Variants in SLC39A14 observed in about 807,000 individuals in gnomAD.
SLC39A14 encodes the protein solute carrier family 39 member 14.
SLC39A14 carries 19 observed loss-of-function variants against 45.5 expected under a neutral mutation model. The observed-to-expected ratio is 0.42, with a 90% CI of 0.29 to 0.61. The LOEUF is 0.61. Among genes scored for constraint, SLC39A14 ranks in the 20% least tolerant of loss-of-function variants. SLC39A14 has a pLI of 0.22. For missense variants in SLC39A14, 447 were observed against 616.5 expected, an observed-to-expected ratio of 0.73 and a Z score of 2.91; for synonymous variants, 264 against 251.3, an observed-to-expected ratio of 1.05 and a Z score of -0.48.
In SLC39A14 at chr8:22,415,921, G is replaced by A. The variant is rs770455836; in HGVS notation, c.903G>A (p.Val301=). 6.2e-7 allele frequency: 1 copy of A among 1,608,376 alleles called. No individual in the cohort carries two copies. Among genetic ancestry groups the A allele is most frequent in the Non-Finnish European group, 8.5e-7 (1 of 1,176,878 alleles). ...SSELDGKAPM[V]DEKVIVGSLS... Reference sequence around the variant, plus strand: ...AGCTGGACGGCAAGGCGCCCATGGTGGACGAGAAGGTCATTGTGGGCTCGC... The same window carrying A: ...AGCTGGACGGCAAGGCGCCCATGGTAGACGAGAAGGTCATTGTGGGCTCGC... Residue 301 remains valine (V), a synonymous_variant, in exon 6 of 9, where the codon GTG becomes GTA. Coordinates refer to ENST00000381237, the MANE Select transcript of SLC39A14 (RefSeq NM_001128431.4).
chr8:22,430,711 C>T (rs1363779990), intron 8 of SLC39A14, among the ~76,000 whole-genome samples: 2 of 152,004 alleles, frequency 1.3e-5, no homozygotes, highest in Admixed American at 6.6e-5. Flanking sequence ...CTTGCTCTGT[C>T]GTCCAGGCTG....
At chr8:22,408,640 G>A (rs1230234378) in intron 3 of SLC39A14, 144 bp downstream of exon 3, 7 of 726,260 alleles carry the variant, frequency 9.6e-6, no homozygotes, top group African/African-American at 3.6e-5. Flanking sequence ...GAGCGGGAGC[G>A]ATGATTGGAT....
At position 22,383,225 on chromosome 8, in the gene SLC39A14, A is replaced by C. The variant is rs56754041; in HGVS notation, c.-16+15817A>C. 1.7e-3 allele frequency among the ~76,000 whole-genome samples: 263 copies of C among 152,160 alleles called. 4 individuals carry two copies. The East Asian group carries it at 0.049, about 28-fold the overall frequency. ...GAGGGCAGGGACTGCCTCCCAGCCA[A>C]TTTTGTCCCTGCATCTCAGGATTCC... On this transcript the variant is annotated intron_variant, in intron 1 of 8. Coordinates refer to ENST00000381237, the MANE Select transcript of SLC39A14 (RefSeq NM_001128431.4).
chr8:22,381,726 C>A (rs1177488696), intron 1 of SLC39A14, among the ~76,000 whole-genome samples: 1 of 152,028 alleles, frequency 6.6e-6, no homozygotes, highest in Non-Finnish European at 1.5e-5. Flanking sequence ...TCAATAATAC[C>A]AGTTAACAAA....
At chr8:22,406,987 T>A (rs1835260890) in intron 2 of SLC39A14, among the ~76,000 whole-genome samples, 1 of 151,918 alleles carries the variant, frequency 6.6e-6, no homozygotes, top group African/African-American at 2.4e-5. Flanking sequence ...GTGTAGACAG[T>A]ATAATTAGAA....
chr8:22,370,481 GAGC>G (rs1471414728), intron 1 of SLC39A14, among the ~76,000 whole-genome samples: 1 of 152,200 alleles, frequency 6.6e-6, no homozygotes, highest in East Asian at 1.9e-4. Context: ...ATGGAATGTT[GAGC>G]AGGGGACTTT....
chr8:22,428,031 G>C (rs1836412930), intron 8 of SLC39A14, among the ~76,000 whole-genome samples: 1 of 152,208 alleles, frequency 6.6e-6, no homozygotes, highest in Admixed American at 6.6e-5. Flanking sequence ...TGGTGCGGTA[G>C]CTCACGCCTA....
rs559733278 is a variant in SLC39A14, at chr8:22,406,547, C to T, written c.270+1567C>T. On this transcript the variant is annotated intron_variant, in intron 2 of 8. Transcript: ENST00000381237. ...TCTCTGCTAAAAATACAAAAATTATCTGGGTATGGCGGGAGATACCTGTAG... is the reference window on the plus strand; with the variant it reads ...TCTCTGCTAAAAATACAAAAATTATTTGGGTATGGCGGGAGATACCTGTAG... Among the ~76,000 whole-genome samples, 8 of 152,272 alleles carry T rather than the reference C, an allele frequency of 5.3e-5. No individual in the cohort carries two copies. The East Asian group carries it at 1.5e-3, about 29-fold the overall frequency.
At chr8:22,394,188 G>T (rs1834241323) in intron 1 of SLC39A14, among the ~76,000 whole-genome samples, 2 of 151,452 alleles carry the variant, frequency 1.3e-5, no homozygotes, top group South Asian at 2.1e-4. Context: ...TGTATTTTTA[G>T]TAGAAGCGGG....
rs886868553 is a variant in SLC39A14, at chr8:22,398,626, A to G, written c.-15-6070A>G. Reference sequence around the variant, plus strand: ...GTTGGTTTCTGTTGCCTGTTCTCATATCTATGCCCAACCTCTAGACCCAGC... The same window carrying G: ...GTTGGTTTCTGTTGCCTGTTCTCATGTCTATGCCCAACCTCTAGACCCAGC... On this transcript the variant is annotated intron_variant, in intron 1 of 8. Coordinates refer to ENST00000381237, the MANE Select transcript of SLC39A14 (RefSeq NM_001128431.4). The G allele has an allele frequency of 1.0e-4, 74 of 719,372 alleles. No individual in the cohort carries two copies. The African/African-American group carries it at 1.3e-3, about 13-fold the overall frequency. 44.6% of individuals were successfully genotyped at this position (719,372 alleles called of 1,614,324 possible). A position where few individuals can be genotyped will look rare whatever the true frequency, so the allele number is the denominator to read the frequency against.
intron 1 of SLC39A14, among the ~76,000 whole-genome samples, chr8:22,401,824 C>T (rs778078165): frequency 4.6e-5 from 7 of 152,020 alleles, no homozygotes; most frequent in Non-Finnish European, 8.8e-5. Flanking sequence ...GCGTGAGCCA[C>T]TGTGCCCGGC....
chr8:22,386,546 C>T (rs368477192), intron 1 of SLC39A14, among the ~76,000 whole-genome samples: 8 of 152,290 alleles, frequency 5.3e-5, no homozygotes, highest in Admixed American at 2.6e-4. Context: ...GGATTACAGG[C>T]GTAAGCCACC....
chr8:22,419,973 G>A lies in SLC39A14; in HGVS notation c.*275G>A, dbSNP rs1472058277. ...AACCTGAATGCAGCTTACAAGACAA[G>A]CCTGACTTTTTTCTCTGATTACCTT... is the stretch of plus-strand genomic sequence containing the variant. On this transcript the variant is annotated 3_prime_UTR_variant, in exon 9 of 9. Coordinates refer to ENST00000381237, the MANE Select transcript of SLC39A14 (RefSeq NM_001128431.4). The A allele has an allele frequency of 8.7e-7, 1 of 1,143,718 alleles. No individual in the cohort carries two copies. The highest frequency in any genetic ancestry group is 1.1e-6 in the Non-Finnish European group (1 of 930,688). 70.8% of individuals were successfully genotyped at this position (1,143,718 alleles called of 1,614,324 possible).
chr8:22,404,649 G>A (rs1313220682), intron 1 of SLC39A14, 47 bp from the exon 2 acceptor site: 12 of 1,567,834 alleles, frequency 7.7e-6, no homozygotes, highest in African/African-American at 6.8e-5. Flanking sequence ...CGCAGTTGCC[G>A]GCACACAGGG....
intron 3 of SLC39A14, chr8:22,411,819 A>G (rs1835585469): frequency 1.8e-6 from 1 of 542,062 alleles, no homozygotes; most frequent in African/African-American, 1.9e-5. Context: ...AGGAAATTTC[A>G]TCAGATGTGA....
chr8:22,402,522 C>A (rs1834935311), intron 1 of SLC39A14, among the ~76,000 whole-genome samples: 1 of 152,182 alleles, frequency 6.6e-6, no homozygotes, highest in Non-Finnish European at 1.5e-5. Context: ...ACAATCCCAA[C>A]ACTTGGGGAG....
chr8:22,414,154 T>G (rs1489628439), intron 4 of SLC39A14, among the ~76,000 whole-genome samples: 1 of 152,138 alleles, frequency 6.6e-6, no homozygotes, highest in Non-Finnish European at 1.5e-5. Context: ...CCTGTCCTCT[T>G]CCCAGTGGAT....
chr8:22,379,009 C>T (rs1833357382), intron 1 of SLC39A14, among the ~76,000 whole-genome samples: 1 of 152,164 alleles, frequency 6.6e-6, no homozygotes, highest in Non-Finnish European at 1.5e-5. Flanking sequence ...TCACCAGGAC[C>T]ATACTCCTTC....
intron 2 of SLC39A14, among the ~76,000 whole-genome samples, chr8:22,406,144 T>G (rs1586719957): frequency 6.6e-6 from 1 of 152,196 alleles, no homozygotes; most frequent in Middle Eastern, 3.4e-3. Flanking sequence ...ATGAGTGCAG[T>G]GTGGAGATAA....
Sources: gnomAD v4.1 joint callset for allele counts (sites outside exome capture counted in the v4.1 genomes callset) on GRCh38, gnomAD v4.1.1 for gene constraint, MANE v1.5 for transcripts, NCBI Gene and HGNC (gene_info 2026-07-23, HGNC 2026-07-21) for gene names.